NT5DC1: variants seen among roughly 807,000 people sequenced by gnomAD.
NT5DC1 encodes the protein 5'-nucleotidase domain-containing protein 1.
A neutral mutation model predicts 59.4 loss-of-function variants in NT5DC1; 42 were observed. The observed-to-expected ratio is 0.71, with a 90% CI of 0.55 to 0.92. The LOEUF (loss-of-function observed/expected upper bound fraction) is 0.92, where lower values mean the gene tolerates loss of function less well. Among genes scored for constraint, NT5DC1 ranks in the 40% least tolerant of loss-of-function variants. The pLI is 0.00. For missense variants in NT5DC1, 501 were observed against 537.1 expected (o/e 0.93, Z 0.66); for synonymous variants, 172 against 188.1 (o/e 0.91, Z 0.70).
intron 6 of NT5DC1, among the ~76,000 whole-genome samples, chr6:116,220,593 C>CTG (rs1177260821): frequency 3.3e-5 from 5 of 152,224 alleles, no homozygotes; most frequent in Non-Finnish European, 7.3e-5. Flanking sequence ...AACTGTGACT[C>CTG]TGAGGAACTC....
At chr6:116,101,163 C>G in intron 1 of NT5DC1, 140 bp downstream of exon 1, 1 of 615,438 alleles carries the variant, frequency 1.6e-6, no homozygotes, top group Non-Finnish European at 2.7e-6. Context: ...CGGCCTCCAG[C>G]GGCGAGAAGG....
At chr6:116,217,814 T>C (rs1781715585) in intron 6 of NT5DC1, among the ~76,000 whole-genome samples, 1 of 152,160 alleles carries the variant, frequency 6.6e-6, no homozygotes, top group South Asian at 2.1e-4. Context: ...GGGGATATAA[T>C]TTAATAGACA....
intron 8 of NT5DC1, among the ~76,000 whole-genome samples, chr6:116,227,600 C>T (rs760229137): frequency 2.6e-5 from 4 of 151,974 alleles, no homozygotes; most frequent in Non-Finnish European, 5.9e-5. Flanking sequence ...ACAAGGATTC[C>T]CTTTTCTCCA....
chr6:116,181,224 G>A (rs751496127), intron 6 of NT5DC1, among the ~76,000 whole-genome samples: 7 of 151,726 alleles, frequency 4.6e-5, no homozygotes, highest in Non-Finnish European at 8.8e-5. Context: ...ACTAAACTTA[G>A]GAATATCAGA....
chr6:116,222,922 T>G (rs1781836192), intron 7 of NT5DC1, 112 bp from the exon 8 acceptor site: 3 of 627,588 alleles, frequency 4.8e-6, no homozygotes, highest in Non-Finnish European at 8.5e-6. Flanking sequence ...TAAAAGTTAG[T>G]CAAAAGATGA....
intron 7 of NT5DC1, among the ~76,000 whole-genome samples, chr6:116,221,607 T>C (rs1459533703): frequency 6.6e-6 from 1 of 152,218 alleles, no homozygotes; most frequent in East Asian, 1.9e-4. Flanking sequence ...AGCCACTCTT[T>C]AGTCATTTCC....
intron 6 of NT5DC1, among the ~76,000 whole-genome samples, chr6:116,171,027 G>T (rs1228261141): frequency 2.0e-5 from 3 of 151,862 alleles, no homozygotes; most frequent in Admixed American, 6.6e-5. Context: ...CTCTTCATTG[G>T]ACTTAATGAT....
chr6:116,121,142 T>A, intron 6 of NT5DC1: 1 of 1,613,276 alleles, frequency 6.2e-7, no homozygotes, highest in Non-Finnish European at 8.5e-7. Flanking sequence ...TGCTGGCCCT[T>A]GTTCCCCTTT....
chr6:116,135,739 CAAAT>C (rs1183331865), intron 6 of NT5DC1, among the ~76,000 whole-genome samples: 2 of 149,984 alleles, frequency 1.3e-5, no homozygotes, highest in Admixed American at 1.3e-4. Context: ...CATAGTTTCA[CAAAT>C]ACTCAGCTTA....
At chr6:116,126,079 G>T (rs1166760047) in intron 6 of NT5DC1, 1 of 154,532 alleles carries the variant, frequency 6.5e-6, no homozygotes, top group African/African-American at 2.4e-5. Flanking sequence ...CCTGGAGATG[G>T]TGCCTTGGCA....
Position 116,103,560 on chromosome 6 carries a change from C to T in NT5DC1, c.93+2537C>T, listed in dbSNP as rs73772245. Among the ~76,000 whole-genome samples, 654 of 152,074 alleles carry T rather than the reference C, an allele frequency of 4.3e-3. 6 individuals carry two copies. Among genetic ancestry groups the T allele is most frequent in the African/African-American group, 0.015 (628 of 41,470 alleles). ...GGAGTTAGAGTAAAGGTCAGAACCT[C>T]GAGGTGAGCAACAGCACCGGGAACT... On this transcript the variant is annotated intron_variant, in intron 1 of 11. Transcript: ENST00000319550.
chr6:116,184,891 C>T (rs374585699), intron 6 of NT5DC1, among the ~76,000 whole-genome samples: 55 of 151,822 alleles, frequency 3.6e-4, no homozygotes, highest in Middle Eastern at 3.4e-3. Flanking sequence ...TTGCTCTGAT[C>T]TTGATTATTT....
chr6:116,206,290 A>G (rs1317521142), intron 6 of NT5DC1, among the ~76,000 whole-genome samples: 2 of 152,020 alleles, frequency 1.3e-5, no homozygotes, highest in Admixed American at 6.6e-5. Flanking sequence ...AATTTTTACT[A>G]TGTGTAAAGC....
At chr6:116,173,118 ATAAAT>A (rs1258592839) in intron 6 of NT5DC1, among the ~76,000 whole-genome samples, 1 of 152,150 alleles carries the variant, frequency 6.6e-6, no homozygotes, top group African/African-American at 2.4e-5. Context: ...CATTATGGAG[ATAAAT>A]TAAACACAAT....
intron 8 of NT5DC1, among the ~76,000 whole-genome samples, chr6:116,230,146 A>G (rs1781990319): frequency 6.6e-6 from 1 of 152,008 alleles, no homozygotes; most frequent in Non-Finnish European, 1.5e-5. Flanking sequence ...CTCCCTTTCC[A>G]CTAGGCCATC....
At chr6:116,121,261 C>A (rs1456553133) in intron 6 of NT5DC1, 5 of 1,613,926 alleles carry the variant, frequency 3.1e-6, no homozygotes, top group South Asian at 1.1e-5. Context: ...TTCCTGGAGC[C>A]CCAGGGAGAC....
At chr6:116,201,818 T>G (rs1781353585) in intron 6 of NT5DC1, among the ~76,000 whole-genome samples, 1 of 152,046 alleles carries the variant, frequency 6.6e-6, no homozygotes, top group Non-Finnish European at 1.5e-5. Context: ...TGGCATGGTT[T>G]CATGATTATA....
At chr6:116,165,099 A>G (rs1043018156) in intron 6 of NT5DC1, among the ~76,000 whole-genome samples, 1 of 25,440 alleles carries the variant, frequency 3.9e-5, no homozygotes, top group Non-Finnish European at 7.0e-5. Flanking sequence ...TCCGTCTCAG[A>G]AAAAAAAAAA....
At chr6:116,159,896 T>A (rs1366094906) in intron 6 of NT5DC1, among the ~76,000 whole-genome samples, 1 of 152,176 alleles carries the variant, frequency 6.6e-6, no homozygotes, top group African/African-American at 2.4e-5. Context: ...TTGTTTCACT[T>A]AAGATCATGG....
Sources: allele counts gnomAD v4.1 joint callset (sites outside exome capture counted in the v4.1 genomes callset), GRCh38; gene constraint gnomAD v4.1.1; transcripts MANE v1.5; gene names NCBI Gene and HGNC (gene_info 2026-07-23, HGNC 2026-07-21).